Variants in OR1A1 observed in about 807,000 individuals in gnomAD.
OR1A1 encodes the protein olfactory receptor 1A1.
For synonymous variants in OR1A1, 145 were observed against 147.8 expected, an observed-to-expected ratio of 0.98 and a Z score of 0.13; for missense variants, 391 against 379.9, an observed-to-expected ratio of 1.03 and a Z score of -0.24.
intron 1 of OR1A1, among the ~76,000 whole-genome samples, 191 bp downstream of exon 1, chr17:3,208,191 AGAG>A (rs71153333): frequency 3.9e-3 from 343 of 87,306 alleles, no homozygotes; most frequent in East Asian, 0.035. Context: ...AGAGAGAGAG[AGAG>A]GAGGAGGAGG....
Position 3,215,881 on chromosome 17 carries a change from G to T in OR1A1, c.261G>T (p.Leu87Phe). The change falls in exon 4 of 4, where the codon TTG (leucine) becomes TTT (phenylalanine). Residue 87 changes from leucine to phenylalanine, a missense_variant. By Grantham distance (22) the Leu-to-Phe change is conservative. Transcript: ENST00000641732. ...CTAAGATGCTGGCCAACCATCTCTT[G>T]GGCAGCAAATCCATCTCTTTTGGGG... The part of the protein sequence containing the change: ...TIPKMLANHL[L>F]GSKSISFGGC... 2 of 1,614,030 alleles carry T rather than the reference G, an allele frequency of 1.2e-6. No individual in the cohort carries two copies. The highest frequency in any genetic ancestry group is 4.5e-5 in the East Asian group (2 of 44,880).
At chr17:3,209,943 T>C (rs899436762) in intron 2 of OR1A1, among the ~76,000 whole-genome samples, 2 of 152,192 alleles carry the variant, frequency 1.3e-5, no homozygotes, top group African/African-American at 4.8e-5. Context: ...AAAATTTACA[T>C]ATACATTGTG....
In OR1A1 at chr17:3,215,866, G is replaced by A. The variant is rs866215790; in HGVS notation, c.246G>A (p.Leu82=). 1.2e-6 allele frequency: 2 copies of A among 1,614,124 alleles called. No individual in the cohort carries two copies. Among genetic ancestry groups the A allele is most frequent in the Non-Finnish European group, 1.7e-6 (2 of 1,180,026 alleles). The change falls in exon 4 of 4, where the codon CTG becomes CTA. Residue 82 remains leucine, a synonymous_variant. Coordinates refer to ENST00000641732, the MANE Select transcript of OR1A1 (RefSeq NM_014565.3). Reference sequence around the variant, plus strand: ...CATCGGTAACCATCCCTAAGATGCTGGCCAACCATCTCTTGGGCAGCAAAT... The same window carrying A: ...CATCGGTAACCATCCCTAAGATGCTAGCCAACCATCTCTTGGGCAGCAAAT... ...FFSSVTIPKM[L]ANHLLGSKSI... is the part of the protein sequence containing the mutation.
chr17:3,214,871 T>A (rs1397193559), intron 3 of OR1A1: 2 of 152,170 alleles, frequency 1.3e-5, no homozygotes, highest in African/African-American at 4.8e-5. Flanking sequence ...AACCAACAAC[T>A]CTTTTTTCCT....
At chr17:3,211,311 T>A (rs2048440383) in intron 2 of OR1A1, among the ~76,000 whole-genome samples, 1 of 150,870 alleles carries the variant, frequency 6.6e-6, no homozygotes, top group Non-Finnish European at 1.5e-5. Flanking sequence ...TCAAATTGTC[T>A]TATCTCTCCT....
rs557563859 is a variant in OR1A1 at position 3,218,238 on chromosome 17, G to A, written c.*1688G>A. 5.3e-5 allele frequency: 8 copies of A among 152,216 alleles called. No individual in the cohort carries two copies. Among genetic ancestry groups the A allele is most frequent in the South Asian group, 2.1e-4 (1 of 4,818 alleles). 9.4% of individuals were successfully genotyped at this position (152,216 alleles called of 1,614,324 possible). On this transcript the variant is annotated 3_prime_UTR_variant, in exon 4 of 4. Transcript: ENST00000641732. ...AATGAGACACCATCTCATGCCAGTT[G>A]GAATGGCGATCATTAAAAAGTAAGG...
At chr17:3,212,640 G>A (rs2048448163) in intron 3 of OR1A1, 41 bp downstream of exon 3, 1 of 152,136 alleles carries the variant, frequency 6.6e-6, no homozygotes, top group South Asian at 2.1e-4. Flanking sequence ...GGCATCTCAA[G>A]AGAGAAAATC....
intron 3 of OR1A1, 34 bp from the exon 4 acceptor site, chr17:3,215,582 T>C (rs748602940): frequency 2.1e-6 from 3 of 1,448,852 alleles, no homozygotes; most frequent in African/African-American, 1.4e-5. Flanking sequence ...ACTATGCTAA[T>C]ATAATGATAT....
intron 3 of OR1A1, 31 bp from the exon 4 acceptor site, chr17:3,215,585 A>T: frequency 6.8e-7 from 1 of 1,471,722 alleles, no homozygotes; most frequent in Non-Finnish European, 9.4e-7. Context: ...ATGCTAATAT[A>T]ATGATATTCC....
intron 2 of OR1A1, among the ~76,000 whole-genome samples, chr17:3,210,833 T>C (rs980553234): frequency 6.6e-6 from 1 of 152,150 alleles, no homozygotes; most frequent in Non-Finnish European, 1.5e-5. Context: ...CTCCAACTCC[T>C]GGCCTCAGGT....
chr17:3,209,187 C>G lies in OR1A1; in HGVS notation c.-139+189C>G, dbSNP rs185344486. ...GTTGTCTTTTATCCCTCGCCCCCTT[C>G]GCACTCTTCCCCCCGAGTCCCCAAA... On this transcript the variant is annotated intron_variant, in intron 2 of 3. Transcript: ENST00000641732. Among the ~76,000 whole-genome samples the G allele has an allele frequency of 2.8e-4, 43 of 152,140 alleles. No homozygotes were observed. The East Asian group carries it at 7.0e-3, about 25-fold the overall frequency.
intron 2 of OR1A1, among the ~76,000 whole-genome samples, chr17:3,211,026 G>C (rs1052082186): frequency 6.6e-5 from 10 of 152,042 alleles, no homozygotes; most frequent in Non-Finnish European, 1.0e-4. Context: ...TAATCCTTTA[G>C]GAATTATTTT....
intron 3 of OR1A1, chr17:3,214,881 T>C (rs2048459252): frequency 6.6e-6 from 1 of 152,220 alleles, no homozygotes; most frequent in African/African-American, 2.4e-5. Flanking sequence ...TCTTTTTTCC[T>C]TTCTTTTAAA....
At chr17:3,212,775 G>A (rs1597292465) in intron 3 of OR1A1, 176 bp downstream of exon 3, 1 of 152,368 alleles carries the variant, frequency 6.6e-6, no homozygotes, top group Middle Eastern at 3.4e-3. Context: ...TACACACAGA[G>A]TGAGGATAAG....
chr17:3,209,720 T>C (rs961063328), intron 2 of OR1A1, among the ~76,000 whole-genome samples: 17 of 152,124 alleles, frequency 1.1e-4, no homozygotes, highest in African/African-American at 3.6e-4. Flanking sequence ...CAGTGAGCCA[T>C]GATCATACCA....
intron 2 of OR1A1, among the ~76,000 whole-genome samples, 172 bp from the exon 3 acceptor site, chr17:3,212,295 C>T (rs7209989): frequency 0.76 from 115,481 of 152,046 alleles, 44,563 homozygotes; most frequent in Non-Finnish European, 0.84. Context: ...TGAATGGAGA[C>T]CCCAAGGGGC....
intron 2 of OR1A1, among the ~76,000 whole-genome samples, 185 bp from the exon 3 acceptor site, chr17:3,212,282 G>A (rs1441145102): frequency 2.6e-5 from 4 of 152,166 alleles, no homozygotes; most frequent in African/African-American, 9.7e-5. Flanking sequence ...ACTAGCTAAT[G>A]TCTGAATGGA....
intron 2 of OR1A1, among the ~76,000 whole-genome samples, chr17:3,210,324 G>A (rs1158584983): frequency 1.3e-5 from 2 of 152,086 alleles, no homozygotes; most frequent in Admixed American, 6.5e-5. Context: ...TAAGCAGAAA[G>A]CAGAATGGCT....
At chr17:3,213,474 A>T (rs1010101324) in intron 3 of OR1A1, 1 of 152,218 alleles carries the variant, frequency 6.6e-6, no homozygotes, top group African/African-American at 2.4e-5. Flanking sequence ...TTAATTACAG[A>T]TCTAATATAT....
Sources: allele counts gnomAD v4.1 joint callset (sites outside exome capture counted in the v4.1 genomes callset), GRCh38; gene constraint gnomAD v4.1.1; transcripts MANE v1.5; gene names NCBI Gene and HGNC (gene_info 2026-07-23, HGNC 2026-07-21).